The following KALRN variants were observed in gnomAD, a reference collection of about 807,000 sequenced individuals.
KALRN encodes kalirin RhoGEF kinase, also known as kalirin.
Under a neutral mutation model 353.7 loss-of-function variants are expected in KALRN, and 70 were observed. The observed-to-expected ratio is 0.20, with a 90% CI of 0.16 to 0.24. KALRN has a LOEUF of 0.24. Ranked by LOEUF, KALRN falls within the 10% of genes least tolerant of loss-of-function variation. The probability of loss-of-function intolerance (pLI) is 1.00; values close to 1 mark genes in which losing one functional copy is unlikely to be tolerated. For missense variants in KALRN, 2,791 were observed against 3,756.7 expected, an observed-to-expected ratio of 0.74 and a Z score of 6.72; for synonymous variants, 1,391 against 1,434.8, an observed-to-expected ratio of 0.97 and a Z score of 0.69.
chr3:124,263,447 C>T (rs933929313), intron 3 of KALRN, among the ~76,000 whole-genome samples: 1 of 152,154 alleles, frequency 6.6e-6, no homozygotes, highest in Admixed American at 6.5e-5. Context: ...CATGGTGGCG[C>T]AAGCCTGTAG....
chr3:124,417,401 C>T lies in KALRN; in HGVS notation c.2542+3736C>T, dbSNP rs183623742. Among the ~76,000 whole-genome samples, 27 of 152,304 alleles carry T rather than the reference C, an allele frequency of 1.8e-4. No homozygotes were observed. In the South Asian group the frequency reaches 3.1e-3, roughly 18 times the overall value. ...CTTCTTCTCTCCCATGAAATCTGAC[C>T]GTGCGACTGTTACACTTGACTTTAG... On this transcript the variant is annotated intron_variant, in intron 14 of 59. Coordinates refer to ENST00000682506, the MANE Select transcript of KALRN (RefSeq NM_001388419.1).
chr3:124,616,929 C>T (rs1156855129), intron 34 of KALRN, among the ~76,000 whole-genome samples: 1 of 149,690 alleles, frequency 6.7e-6, no homozygotes, highest in East Asian at 2.0e-4. Context: ...TGCACCACTG[C>T]ACTCCAGCCT....
At chr3:124,689,396 A>C (rs1442776357) in intron 51 of KALRN, among the ~76,000 whole-genome samples, 1 of 151,852 alleles carries the variant, frequency 6.6e-6, no homozygotes. Context: ...AGTAAAGATG[A>C]GGTCTCATTA....
rs9841322 is a variant in KALRN at position 124,395,221 on chromosome 3, G to C, written c.2049G>C (p.Lys683Asn). 6.2e-7 allele frequency: 1 copy of C among 1,612,708 alleles called. No homozygotes were observed. Among genetic ancestry groups the C allele is most frequent in the Admixed American group, 1.7e-5 (1 of 59,772 alleles). The change falls in exon 12 of 60, where the codon AAG becomes AAC. Residue 683 changes from lysine (K) to asparagine (N), a missense_variant. Around this residue, in one of 11 missense-constraint regions of KALRN, gnomAD observed 452 missense variants for 575.8 expected, o/e 0.78. Coordinates refer to ENST00000682506, the MANE Select transcript of KALRN (RefSeq NM_001388419.1). Reference protein sequence around the residue: ...DSVDAVQELIKQFQQQQTATL... With the variant: ...DSVDAVQELINQFQQQQTATL... ...TGGATGCAGTCCAGGAACTGATCAA[G>C]CAGTTCCAGCAGCAGCAGACCGCCA... is the stretch of plus-strand genomic sequence containing the variant.
chr3:124,212,919 A>G (rs2077020476), intron 1 of KALRN, among the ~76,000 whole-genome samples: 2 of 151,848 alleles, frequency 1.3e-5, no homozygotes, highest in African/African-American at 4.8e-5. Flanking sequence ...TTTGAAATGT[A>G]TATTTATATT....
intron 33 of KALRN, among the ~76,000 whole-genome samples, chr3:124,529,324 A>G (rs866381582): frequency 4.0e-5 from 6 of 151,850 alleles, no homozygotes; most frequent in African/African-American, 1.5e-4. Context: ...GTAGATGAGG[A>G]CCTCCCCTGT....
intron 34 of KALRN, among the ~76,000 whole-genome samples, chr3:124,606,180 A>G (rs1324673184): frequency 6.6e-6 from 1 of 152,266 alleles, no homozygotes; most frequent in Non-Finnish European, 1.5e-5. Flanking sequence ...AGAGAGAAAT[A>G]AAATCACATT....
rs768479973 is a variant in KALRN, at chr3:124,413,654, T to C, written c.2531T>C (p.Val844Ala). The C allele has an allele frequency of 6.2e-7, 1 of 1,613,294 alleles. No individual in the cohort carries two copies. Among genetic ancestry groups the C allele is most frequent in the African/African-American group, 1.3e-5 (1 of 74,830 alleles). ...GATCTGCACCAGTACATCACGGAGG[T>C]CCAGGCATCAGGTGGGTGACCTCGC... ...GQDLHQYITE[V>A]QASGIELICE... is the part of the protein sequence containing the mutation. The change falls in exon 14 of 60, where the codon GTC becomes GCC. Residue 844 changes from valine (V) to alanine (A), a missense_variant. Physicochemically the swap from Val to Ala is moderately conservative, Grantham distance 64. Transcript: ENST00000682506.
At chr3:124,135,471 A>G (rs1400847112) in intron 1 of KALRN, among the ~76,000 whole-genome samples, 5 of 152,306 alleles carry the variant, frequency 3.3e-5, no homozygotes, top group Admixed American at 6.5e-5. Context: ...ACAAATCACC[A>G]CTAAAGAACT....
chr3:124,576,377 G>T (rs755592180), intron 34 of KALRN, among the ~76,000 whole-genome samples: 1 of 152,120 alleles, frequency 6.6e-6, no homozygotes, highest in Non-Finnish European at 1.5e-5. Context: ...AGGAGGGACG[G>T]ATCATGCATC....
chr3:124,288,494 G>T (rs2076144879), intron 5 of KALRN, among the ~76,000 whole-genome samples: 1 of 152,214 alleles, frequency 6.6e-6, no homozygotes, highest in African/African-American at 2.4e-5. Context: ...ATAGGACTGT[G>T]ATGTGAAATA....
intron 37 of KALRN, among the ~76,000 whole-genome samples, chr3:124,641,734 G>A (rs1013116951): frequency 9.2e-5 from 14 of 152,210 alleles, no homozygotes; most frequent in Non-Finnish European, 1.8e-4. Context: ...CAGGGAAAGG[G>A]AACTGTGTCA....
chr3:124,517,971 T>C (rs781348299), intron 33 of KALRN, among the ~76,000 whole-genome samples: 9 of 152,244 alleles, frequency 5.9e-5, no homozygotes, highest in Non-Finnish European at 1.0e-4. Context: ...TAATGATCAC[T>C]GTCACTAGGA....
intron 9 of KALRN, among the ~76,000 whole-genome samples, chr3:124,346,297 C>T (rs1218511892): frequency 6.6e-6 from 1 of 152,130 alleles, no homozygotes; most frequent in Admixed American, 6.5e-5. Context: ...TCCATCCTGC[C>T]TCTCAAGTGC....
At chr3:124,159,991 T>C (rs891388365) in intron 1 of KALRN, among the ~76,000 whole-genome samples, 10 of 151,234 alleles carry the variant, frequency 6.6e-5, no homozygotes, top group Non-Finnish European at 5.9e-5. Context: ...CCAAAGAAAA[T>C]AAGAAATTGA....
At position 124,661,897 on chromosome 3, in the gene KALRN, T is replaced by C. The variant is rs1209315006; in HGVS notation, c.6314T>C (p.Met2105Thr). 2 of 1,613,988 alleles carry C rather than the reference T, an allele frequency of 1.2e-6. No homozygotes were observed. The highest frequency in any genetic ancestry group is 1.3e-5 in the African/African-American group (1 of 74,896). Residue 2105 changes from methionine to threonine, a missense_variant, in exon 45 of 60, where the codon ATG becomes ACG. Met to Thr is a moderately conservative substitution (Grantham distance 81). This residue lies in a region of KALRN where 1,065 missense variants were observed against 1,156.4 expected (regional missense o/e 0.92). Coordinates refer to ENST00000682506, the MANE Select transcript of KALRN (RefSeq NM_001388419.1). Reference protein sequence around the residue: ...MCLVPKRCNDMMNLGRLQGFE... With the variant: ...MCLVPKRCNDTMNLGRLQGFE... ...CTTGTTCCCAAACGCTGCAATGACA[T>C]GATGAATCTAGGACGTCTGCAGGGC...
intron 34 of KALRN, among the ~76,000 whole-genome samples, chr3:124,615,359 A>G (rs1456156741): frequency 6.6e-6 from 1 of 152,228 alleles, no homozygotes; most frequent in Non-Finnish European, 1.5e-5. Context: ...TCTATGAAGG[A>G]CATTATTGGA....
chr3:124,473,916 AC>A (rs1343010428), intron 25 of KALRN, among the ~76,000 whole-genome samples: 11 of 152,190 alleles, frequency 7.2e-5, no homozygotes, highest in African/African-American at 2.7e-4. Flanking sequence ...TTTGTTTTTT[AC>A]AGCAAATACC....
intron 1 of KALRN, among the ~76,000 whole-genome samples, chr3:124,120,736 A>ATATATATATATATATATATATATG (rs1553774505): frequency 9.0e-5 from 13 of 144,360 alleles, no homozygotes; most frequent in African/African-American, 2.9e-4. Flanking sequence ...ATATATATAT[A>ATATATATATATATATATATATATG]TATATATATT....
Sources: gnomAD v4.1 joint callset for allele counts (sites outside exome capture counted in the v4.1 genomes callset) on GRCh38, gnomAD v4.1.1 for gene constraint, gnomAD v4.1.1 regional missense constraint, MANE v1.5 for transcripts, NCBI Gene and HGNC (gene_info 2026-07-23, HGNC 2026-07-21) for gene names.